Variants in CELF2 observed in about 807,000 individuals in gnomAD.
The protein encoded by CELF2 is CUG triplet repeat RNA-binding protein 2.
A neutral mutation model predicts 62.6 loss-of-function variants in CELF2; 8 were observed. That is an observed-to-expected ratio of 0.13 (90% confidence interval 0.07 to 0.23). The LOEUF (loss-of-function observed/expected upper bound fraction) is 0.23, where lower values mean the gene tolerates loss of function less well. CELF2 is among the 10% of genes least tolerant of loss of function. The pLI is 1.00. For synonymous variants in CELF2, 258 were observed against 250.0 expected, an observed-to-expected ratio of 1.03 and a Z score of -0.30; for missense variants, 333 against 671.0, an observed-to-expected ratio of 0.50 and a Z score of 5.56.
rs1029245586 is a variant in CELF2, at chr10:11,017,954, G to C, written c.-136G>C. The stretch of plus-strand genomic sequence containing the variant: ...AGGGGATTGGCGGAGCGCGAGGAGA[G>C]AATGTGACAAGTGCCGGCTCGGCGG... On this transcript the variant is annotated 5_prime_UTR_variant, in exon 1 of 13. Transcript: ENST00000633077. The surrounding 1 kb of genome is among the most constrained non-coding windows in gnomAD (Gnocchi z 5.5). The C allele has an allele frequency of 1.0e-6, 1 of 986,718 alleles. No homozygotes were observed. Among genetic ancestry groups the C allele is most frequent in the Non-Finnish European group, 1.2e-6 (1 of 832,292 alleles). 61.1% of individuals were successfully genotyped at this position (986,718 alleles called of 1,614,324 possible).
intron 11 of CELF2, among the ~76,000 whole-genome samples, chr10:11,325,492 C>A (rs2095676263): frequency 6.6e-6 from 1 of 152,198 alleles, no homozygotes; most frequent in African/African-American, 2.4e-5. Context: ...TACGGCCACC[C>A]AAGAAAAACC....
chr10:10,662,265 C>T, the CELF2 span, among the ~76,000 whole-genome samples: 1 of 152,224 alleles, frequency 6.6e-6, no homozygotes, highest in African/African-American at 2.4e-5. Context: ...GAAATGCACT[C>T]AGACTTCATG....
intron 1 of CELF2, among the ~76,000 whole-genome samples, chr10:11,020,431 T>G (rs902681882): frequency 2.0e-5 from 3 of 152,110 alleles, no homozygotes; most frequent in African/African-American, 4.8e-5. Context: ...TAGAGGTGTG[T>G]GGGGGGGAAT....
chr10:11,194,438 T>C (rs1422707734), intron 2 of CELF2, among the ~76,000 whole-genome samples: 1 of 152,196 alleles, frequency 6.6e-6, no homozygotes, highest in Non-Finnish European at 1.5e-5. Context: ...AATGAAAACA[T>C]TGGTCTTTGC....
At chr10:10,618,187 T>A in the CELF2 span, among the ~76,000 whole-genome samples, 3 of 152,038 alleles carry the variant, frequency 2.0e-5, no homozygotes, top group African/African-American at 4.8e-5. Flanking sequence ...AAGGATCTTT[T>A]CAAAGTCTGA....
intron 1 of CELF2, among the ~76,000 whole-genome samples, chr10:10,871,167 C>G (rs1362632966): frequency 3.3e-5 from 5 of 152,176 alleles, no homozygotes; most frequent in African/African-American, 4.8e-5. Context: ...TGTGTCAAAC[C>G]ATGCCCTGGG....
intron 1 of CELF2, among the ~76,000 whole-genome samples, chr10:10,853,282 A>G (rs981028162): frequency 4.6e-5 from 7 of 152,142 alleles, no homozygotes; most frequent in African/African-American, 1.4e-4. Context: ...CACCCGGCCT[A>G]TTAATCATTA....
chr10:11,134,886 C>A (rs551805221), intron 1 of CELF2, among the ~76,000 whole-genome samples: 1 of 152,330 alleles, frequency 6.6e-6, no homozygotes, highest in Admixed American at 6.5e-5. Flanking sequence ...CTGATTGAAA[C>A]ACTTTTCTTT....
rs552954030 is a variant in CELF2 at position 10,967,370 on chromosome 10, C to T, written c.89+47371C>T. Among the ~76,000 whole-genome samples, 296 of 152,246 alleles carry T rather than the reference C, an allele frequency of 1.9e-3. 4 individuals carry two copies. The highest frequency in any genetic ancestry group is 3.1e-3 in the Non-Finnish European group (211 of 68,024). On this transcript the variant is annotated intron_variant, in intron 2 of 13. Coordinates refer to the CELF2 transcript ENST00000636488. ...CTGAACTTAAAATATATAAGGAGGC[C>T]GCTTTAGACTAGGCTTGACTGAACA... is the stretch of plus-strand genomic sequence containing the variant.
chr10:10,737,325 A>G, the CELF2 span, among the ~76,000 whole-genome samples: 3 of 152,176 alleles, frequency 2.0e-5, no homozygotes, highest in Non-Finnish European at 4.4e-5. Context: ...AAGTGTAATG[A>G]ACATCTTTGC....
intron 2 of CELF2, among the ~76,000 whole-genome samples, chr10:10,961,397 C>A (rs2049482978): frequency 6.6e-6 from 1 of 152,114 alleles, no homozygotes; most frequent in Admixed American, 6.6e-5. Context: ...AGGTGAATTT[C>A]TTGGTTTTAA....
At chr10:10,514,619 A>AG in the CELF2 span, among the ~76,000 whole-genome samples, 4 of 152,260 alleles carry the variant, frequency 2.6e-5, no homozygotes, top group East Asian at 5.8e-4. Context: ...AATGGGATTC[A>AG]GACGTGGATT....
At chr10:10,847,965 A>G (rs2059121830) in intron 1 of CELF2, among the ~76,000 whole-genome samples, 1 of 152,202 alleles carries the variant, frequency 6.6e-6, no homozygotes, top group South Asian at 2.1e-4. Flanking sequence ...ACCATACAGG[A>G]GATTATCAAA....
the CELF2 span, among the ~76,000 whole-genome samples, chr10:10,634,230 T>C: frequency 6.6e-6 from 1 of 152,194 alleles, no homozygotes; most frequent in Admixed American, 6.5e-5. Flanking sequence ...TTTGAGTTAC[T>C]TATTCATGCT....
chr10:10,544,112 C>A, the CELF2 span, among the ~76,000 whole-genome samples: 1 of 152,178 alleles, frequency 6.6e-6, no homozygotes, highest in Non-Finnish European at 1.5e-5. Context: ...CACCTATGAA[C>A]GTTCTGTTGC....
chr10:11,317,069 T>C (rs1194896825), intron 10 of CELF2: 1 of 152,224 alleles, frequency 6.6e-6, no homozygotes, highest in Non-Finnish European at 1.5e-5. Context: ...TATCTGATTT[T>C]ATGTGTTTCA....
At chr10:10,820,007 A>G (rs1338745296) in intron 1 of CELF2, among the ~76,000 whole-genome samples, 1 of 152,136 alleles carries the variant, frequency 6.6e-6, no homozygotes, top group Non-Finnish European at 1.5e-5. Flanking sequence ...GGGGAGGTAA[A>G]TGAATCATGG....
At chr10:10,977,508 GT>G (rs1418554663) in intron 2 of CELF2, among the ~76,000 whole-genome samples, 1 of 152,152 alleles carries the variant, frequency 6.6e-6, no homozygotes, top group Non-Finnish European at 1.5e-5. Flanking sequence ...GGAATAAAAT[GT>G]TCCCTTCTTT....
chr10:11,040,057 T>A (rs1191951080), intron 1 of CELF2, among the ~76,000 whole-genome samples: 5 of 152,172 alleles, frequency 3.3e-5, no homozygotes, highest in Non-Finnish European at 2.9e-5. Context: ...AATAGTAAAT[T>A]TTGAAAAACT....
Sources: allele counts gnomAD v4.1 joint callset (sites outside exome capture counted in the v4.1 genomes callset), GRCh38; gene constraint gnomAD v4.1.1; non-coding constraint Gnocchi (gnomAD v3.1); transcripts MANE v1.5; gene names NCBI Gene and HGNC (gene_info 2026-07-23, HGNC 2026-07-21).